FGF14: variants seen among roughly 807,000 people sequenced by gnomAD.
FGF14 encodes fibroblast growth factor homologous factor 4.
In FGF14, 5 loss-of-function variants were observed where a neutral mutation model predicts 25.5. The observed-to-expected ratio is 0.20, with a 90% CI of 0.10 to 0.41. The LOEUF (loss-of-function observed/expected upper bound fraction) is 0.41. Among genes scored for constraint, FGF14 ranks in the 10% least tolerant of loss-of-function variants. The pLI, the probability that FGF14 is intolerant of heterozygous loss-of-function variation, is 1.00. For missense variants in FGF14, 222 were observed against 320.1 expected, an observed-to-expected ratio of 0.69 and a Z score of 2.34; for synonymous variants, 138 against 118.3, an observed-to-expected ratio of 1.17 and a Z score of -1.08.
intron 3 of FGF14, among the ~76,000 whole-genome samples, chr13:101,796,960 C>T (rs967311469): frequency 2.0e-5 from 3 of 151,992 alleles, no homozygotes; most frequent in African/African-American, 7.2e-5. Context: ...ATCCTGACCT[C>T]CACGGGATAA....
At chr13:101,980,999 T>C (rs2038215485) in intron 1 of FGF14, among the ~76,000 whole-genome samples, 1 of 151,052 alleles carries the variant, frequency 6.6e-6, no homozygotes, top group Middle Eastern at 3.2e-3. Flanking sequence ...CCTAAGACTT[T>C]GGGAGGCTGA....
intron 2 of FGF14, among the ~76,000 whole-genome samples, chr13:101,869,703 T>G (rs1313569268): frequency 6.6e-6 from 1 of 152,132 alleles, no homozygotes; most frequent in Non-Finnish European, 1.5e-5. Flanking sequence ...TAAGTCTAAT[T>G]CTAAGCAGGA....
intron 1 of FGF14, among the ~76,000 whole-genome samples, chr13:102,111,795 A>C (rs2045243524): frequency 3.3e-5 from 5 of 151,798 alleles, no homozygotes. Flanking sequence ...AAAAAAACCA[A>C]AGCAAAACAA....
At chr13:102,011,121 G>C (rs907051773) in intron 1 of FGF14, among the ~76,000 whole-genome samples, 1 of 152,128 alleles carries the variant, frequency 6.6e-6, no homozygotes, top group Non-Finnish European at 1.5e-5. Context: ...TGAAGACATT[G>C]TTTTTGTTAT....
chr13:101,910,637 A>G, intron 1 of FGF14, among the ~76,000 whole-genome samples: 1 of 152,130 alleles, frequency 6.6e-6, no homozygotes, highest in Admixed American at 6.6e-5. Context: ...CTGTGTCTGC[A>G]TTTCTACGCA....
chr13:102,098,278 A>C (rs923250012), intron 1 of FGF14, among the ~76,000 whole-genome samples: 2 of 152,232 alleles, frequency 1.3e-5, no homozygotes, highest in Non-Finnish European at 2.9e-5. Flanking sequence ...CTCCATTTCT[A>C]GAAAGTCGTG....
chr13:101,733,903 CTAAA>C (rs1360389182), intron 3 of FGF14, among the ~76,000 whole-genome samples: 8 of 151,280 alleles, frequency 5.3e-5, no homozygotes, highest in African/African-American at 1.7e-4. Flanking sequence ...CATTTAATAA[CTAAA>C]TATCAAATAA....
intron 1 of FGF14, among the ~76,000 whole-genome samples, chr13:102,111,531 A>G (rs1441485620): frequency 1.3e-5 from 2 of 152,128 alleles, no homozygotes; most frequent in East Asian, 1.9e-4. Flanking sequence ...CCAGAGCAAC[A>G]TGGCAAAATC....
At chr13:101,775,743 G>C (rs747125308) in intron 3 of FGF14, among the ~76,000 whole-genome samples, 1 of 152,100 alleles carries the variant, frequency 6.6e-6, no homozygotes, top group Non-Finnish European at 1.5e-5. Context: ...AATGAAATTG[G>C]AAGGGTGAGG....
rs1401247096 is a variant in FGF14, at chr13:101,712,668, C to T, written c.*10163G>A. 6.6e-6 allele frequency: 1 copy of T among 152,162 alleles called. No homozygotes were observed. The highest frequency in any genetic ancestry group is 1.5e-5 in the Non-Finnish European group (1 of 68,020). The allele number at this position is 152,162 out of a possible 1,614,324, so 9.4% of individuals were successfully genotyped here. On this transcript the variant is annotated 3_prime_UTR_variant, in exon 5 of 5. Transcript: ENST00000376143. Reference sequence around the variant, plus strand: ...GGAAATAAAACACTAAGTATGGTGCCTTTCGAGGAAACTTCTCTGATAGTC... The same window carrying T: ...GGAAATAAAACACTAAGTATGGTGCTTTTCGAGGAAACTTCTCTGATAGTC...
intron 3 of FGF14, among the ~76,000 whole-genome samples, chr13:101,763,165 G>A (rs2038142434): frequency 1.3e-5 from 2 of 150,278 alleles, no homozygotes; most frequent in African/African-American, 2.4e-5. Context: ...GTGTGATGAA[G>A]TGAAAGGCAC....
chr13:102,369,022 A>C (rs2057797775), intron 1 of FGF14, among the ~76,000 whole-genome samples: 2 of 152,228 alleles, frequency 1.3e-5, no homozygotes, highest in South Asian at 4.1e-4. Flanking sequence ...AGTATATTAT[A>C]ACCTCTCAGT....
chr13:102,167,168 A>C (rs188947327), intron 1 of FGF14, among the ~76,000 whole-genome samples: 1 of 151,880 alleles, frequency 6.6e-6, no homozygotes. Flanking sequence ...AAACTAAAAA[A>C]TTTTTGTAAA....
intron 1 of FGF14, among the ~76,000 whole-genome samples, chr13:102,109,696 C>T (rs2045118555): frequency 6.6e-6 from 1 of 152,144 alleles, no homozygotes; most frequent in Non-Finnish European, 1.5e-5. Context: ...TTTTGGTTCA[C>T]TGCAACATCG....
At chr13:101,897,410 G>C (rs2138950349) in intron 1 of FGF14, among the ~76,000 whole-genome samples, 1 of 152,310 alleles carries the variant, frequency 6.6e-6, no homozygotes, top group Non-Finnish European at 1.5e-5. Context: ...GCTGGCAGCA[G>C]CATCACAATG....
chr13:102,040,433 T>C (rs181366425), intron 1 of FGF14, among the ~76,000 whole-genome samples: 258 of 152,274 alleles, frequency 1.7e-3, no homozygotes, highest in Middle Eastern at 3.4e-3. Flanking sequence ...TCAGAAAATC[T>C]TGCATTTCCA....
chr13:102,245,027 C>T (rs1046605852), intron 1 of FGF14, among the ~76,000 whole-genome samples: 2 of 152,100 alleles, frequency 1.3e-5, no homozygotes, highest in African/African-American at 2.4e-5. Flanking sequence ...AAAGCAGTTG[C>T]TCTCCATTTA....
At chr13:102,202,178 T>A (rs1034038023) in intron 1 of FGF14, among the ~76,000 whole-genome samples, 1 of 152,190 alleles carries the variant, frequency 6.6e-6, no homozygotes, top group African/African-American at 2.4e-5. Context: ...TGCGAAACCA[T>A]GAGCCAGTTA....
chr13:102,161,721 GAAGAAT>G (rs1175088248), intron 1 of FGF14, among the ~76,000 whole-genome samples: 4 of 149,846 alleles, frequency 2.7e-5, no homozygotes, highest in South Asian at 2.1e-4. Flanking sequence ...AGAAGAAGAA[GAAGAAT>G]AGAAATGTGT....
Sources: gnomAD v4.1 joint callset for allele counts (sites outside exome capture counted in the v4.1 genomes callset) on GRCh38, gnomAD v4.1.1 for gene constraint, MANE v1.5 for transcripts, NCBI Gene and HGNC (gene_info 2026-07-23, HGNC 2026-07-21) for gene names.